ROBO1: variants seen among roughly 807,000 people sequenced by gnomAD.
The protein encoded by ROBO1 is roundabout homolog 1.
In ROBO1, 149 loss-of-function variants were observed where a neutral mutation model predicts 195.9. The observed-to-expected ratio is 0.76, with a 90% CI of 0.67 to 0.87. ROBO1 has a LOEUF of 0.87. ROBO1 is among the 40% of genes least tolerant of loss of function. ROBO1 has a pLI of 0.00. For missense variants in ROBO1, 1,933 were observed against 2,068.3 expected (o/e 0.93, Z 1.27); for synonymous variants, 816 against 733.2 (o/e 1.11, Z -1.82).
At chr3:78,953,816 A>AAAT (rs144806770) in intron 3 of ROBO1, among the ~76,000 whole-genome samples, 21,889 of 151,946 alleles carry the variant, frequency 0.14, 2,274 homozygotes, top group African/African-American at 0.3. Context: ...AATGAGGCTA[A>AAAT]AATACCTACA....
chr3:79,569,479 G>A (rs1943200771), intron 2 of ROBO1, among the ~76,000 whole-genome samples: 1 of 152,038 alleles, frequency 6.6e-6, no homozygotes, highest in Non-Finnish European at 1.5e-5. Flanking sequence ...GAATTTTTAA[G>A]TCATTTGAAT....
At chr3:79,409,455 A>G (rs2037680537) in intron 2 of ROBO1, among the ~76,000 whole-genome samples, 1 of 152,172 alleles carries the variant, frequency 6.6e-6, no homozygotes, top group African/African-American at 2.4e-5. Context: ...GAAATTGAAG[A>G]TCTCTCCAAA....
intron 2 of ROBO1, among the ~76,000 whole-genome samples, chr3:79,408,943 T>C (rs967818586): frequency 6.6e-6 from 1 of 152,164 alleles, no homozygotes; most frequent in African/African-American, 2.4e-5. Flanking sequence ...TATTTTGAAG[T>C]GTCCATTTAT....
chr3:78,649,791 C>A (rs535514314), intron 19 of ROBO1, among the ~76,000 whole-genome samples: 53 of 152,176 alleles, frequency 3.5e-4, no homozygotes, highest in Non-Finnish European at 5.7e-4. Flanking sequence ...GTTGAAAGGG[C>A]AATGGTATTA....
At chr3:78,913,485 A>T (rs1219817135) in intron 4 of ROBO1, among the ~76,000 whole-genome samples, 1 of 152,142 alleles carries the variant, frequency 6.6e-6, no homozygotes, top group South Asian at 2.1e-4. Flanking sequence ...TCATTTATTT[A>T]AAAAAGAGTA....
intron 4 of ROBO1, among the ~76,000 whole-genome samples, chr3:78,873,545 G>A (rs973887958): frequency 4.6e-5 from 7 of 151,742 alleles, no homozygotes; most frequent in Non-Finnish European, 1.0e-4. Context: ...TTACCTATGA[G>A]TAAATAAAAA....
intron 1 of ROBO1, among the ~76,000 whole-genome samples, chr3:79,595,774 C>G (rs574747591): frequency 6.7e-6 from 1 of 148,946 alleles, no homozygotes; most frequent in African/African-American, 2.5e-5. Flanking sequence ...AAGATGGTCT[C>G]GAACTTCTGG....
At chr3:79,032,596 T>C (rs2078315323) in intron 3 of ROBO1, among the ~76,000 whole-genome samples, 1 of 151,968 alleles carries the variant, frequency 6.6e-6, no homozygotes, top group African/African-American at 2.4e-5. Context: ...TCTTGAAAAA[T>C]ACAAACATTT....
intron 2 of ROBO1, among the ~76,000 whole-genome samples, chr3:79,300,505 C>A (rs369796801): frequency 1.4e-4 from 22 of 152,330 alleles, no homozygotes; most frequent in African/African-American, 4.1e-4. Flanking sequence ...CCTCCCACCC[C>A]CTCCGTGGGC....
intron 2 of ROBO1, among the ~76,000 whole-genome samples, chr3:79,481,723 T>C (rs960700859): frequency 6.6e-6 from 1 of 152,208 alleles, no homozygotes; most frequent in African/African-American, 2.4e-5. Flanking sequence ...GGCAATCTTA[T>C]TCATTTTGCC....
At chr3:79,037,005 A>C (rs1446572493) in intron 3 of ROBO1, among the ~76,000 whole-genome samples, 1 of 152,114 alleles carries the variant, frequency 6.6e-6, no homozygotes, top group Admixed American at 6.6e-5. Flanking sequence ...GGCTCTAAAG[A>C]GTATATATAA....
At chr3:79,737,651 C>T (rs1055898075) in intron 1 of ROBO1, among the ~76,000 whole-genome samples, 2 of 103,166 alleles carry the variant, frequency 1.9e-5, no homozygotes, top group African/African-American at 3.5e-5. Context: ...TGTTCTTTGT[C>T]CTATCAAAAA....
intron 1 of ROBO1, among the ~76,000 whole-genome samples, chr3:79,656,373 T>C (rs1363011830): frequency 6.6e-6 from 1 of 152,064 alleles, no homozygotes; most frequent in African/African-American, 2.4e-5. Context: ...TTGAAGGTAT[T>C]ACATAAGCTT....
At chr3:79,639,296 T>C (rs1417393512) in intron 1 of ROBO1, among the ~76,000 whole-genome samples, 2 of 152,180 alleles carry the variant, frequency 1.3e-5, no homozygotes, top group African/African-American at 4.8e-5. Flanking sequence ...ACATGCATTT[T>C]CAAAATATAT....
At chr3:79,153,264 T>C (rs1340811817) in intron 2 of ROBO1, among the ~76,000 whole-genome samples, 2 of 151,768 alleles carry the variant, frequency 1.3e-5, no homozygotes, top group African/African-American at 4.8e-5. Flanking sequence ...CGCTTAACCC[T>C]ATCTTTATCA....
chr3:78,809,333 G>C (rs2084653219), intron 4 of ROBO1, among the ~76,000 whole-genome samples: 1 of 152,112 alleles, frequency 6.6e-6, no homozygotes, highest in Non-Finnish European at 1.5e-5. Flanking sequence ...TAAAATGTCA[G>C]GAAACAACAG....
intron 2 of ROBO1, among the ~76,000 whole-genome samples, chr3:79,188,702 A>G (rs1482168911): frequency 6.6e-6 from 1 of 151,730 alleles, no homozygotes; most frequent in Admixed American, 6.6e-5. Context: ...GTTTTGGCCA[A>G]TGTGTTTGAG....
intron 2 of ROBO1, among the ~76,000 whole-genome samples, chr3:79,455,437 T>C (rs1183982559): frequency 1.3e-5 from 2 of 152,164 alleles, no homozygotes; most frequent in Non-Finnish European, 2.9e-5. Flanking sequence ...TGTGTAATTT[T>C]AAGAAGAGAT....
chr3:78,881,387 A>T (rs1021804006), intron 4 of ROBO1, among the ~76,000 whole-genome samples: 2 of 152,184 alleles, frequency 1.3e-5, no homozygotes, highest in East Asian at 3.9e-4. Context: ...CTCTGTTTAC[A>T]GTGAAAATGG....
Sources: gnomAD v4.1 joint callset for allele counts (sites outside exome capture counted in the v4.1 genomes callset) on GRCh38, gnomAD v4.1.1 for gene constraint, MANE v1.5 for transcripts, NCBI Gene and HGNC (gene_info 2026-07-23, HGNC 2026-07-21) for gene names.